Variants in CUBN observed in about 807,000 individuals in gnomAD.
CUBN encodes 460 kDa receptor.
CUBN carries 282 observed loss-of-function variants against 405.3 expected under a neutral mutation model. The observed-to-expected ratio is 0.70, with a 90% CI of 0.63 to 0.77. CUBN has a LOEUF of 0.77. Among genes scored for constraint, CUBN ranks in the 30% least tolerant of loss-of-function variants. CUBN has a pLI of 0.00. For missense variants in CUBN, 4,514 were observed against 4,475.2 expected, an observed-to-expected ratio of 1.01 and a Z score of -0.25; for synonymous variants, 1,684 against 1,617.0, an observed-to-expected ratio of 1.04 and a Z score of -0.99.
At chr10:16,909,444 T>C (rs1362290504) in intron 48 of CUBN, among the ~76,000 whole-genome samples, 1 of 152,188 alleles carries the variant, frequency 6.6e-6, no homozygotes, top group Non-Finnish European at 1.5e-5. Flanking sequence ...ATAATAGAAC[T>C]GGGATTCAAA....
intron 28 of CUBN, among the ~76,000 whole-genome samples, chr10:17,003,441 T>C (rs955389381): frequency 6.6e-6 from 1 of 152,194 alleles, no homozygotes; most frequent in South Asian, 2.1e-4. Flanking sequence ...GCCAACATCA[T>C]ACTTCCAGAT....
chr10:17,046,140 T>G, intron 23 of CUBN, 46 bp from the exon 24 acceptor site: 3 of 1,527,504 alleles, frequency 2.0e-6, no homozygotes, highest in Non-Finnish European at 2.7e-6. Context: ...CTGACAATAT[T>G]ACTGTATAAA....
chr10:17,087,592 C>T (rs1301193872), intron 15 of CUBN, among the ~76,000 whole-genome samples: 7 of 149,308 alleles, frequency 4.7e-5, no homozygotes, highest in African/African-American at 1.7e-4. Context: ...TCTCCTGCCT[C>T]AGACTGACGA....
intron 48 of CUBN, among the ~76,000 whole-genome samples, chr10:16,910,978 CAGG>C (rs1365080892): frequency 6.6e-6 from 1 of 151,966 alleles, no homozygotes; most frequent in East Asian, 1.9e-4. Flanking sequence ...CTCTCTAGCC[CAGG>C]AGAAGAATGA....
intron 65 of CUBN, among the ~76,000 whole-genome samples, chr10:16,830,059 C>CCGAGTAG (rs1048766224): frequency 6.6e-6 from 1 of 152,142 alleles, no homozygotes; most frequent in African/African-American, 2.4e-5. Context: ...TCTCAGCCTC[C>CCGAGTAG]CGAGTAGCTG....
chr10:16,931,886 A>G (rs1842372691), intron 40 of CUBN, among the ~76,000 whole-genome samples: 1 of 152,210 alleles, frequency 6.6e-6, no homozygotes, highest in South Asian at 2.1e-4. Context: ...GCAGTTACCT[A>G]CTTAAGATTT....
chr10:16,904,722 C>T (rs2131431872), intron 50 of CUBN, among the ~76,000 whole-genome samples: 1 of 150,562 alleles, frequency 6.6e-6, no homozygotes, highest in East Asian at 1.9e-4. Flanking sequence ...TCTTCTAAAT[C>T]AATGATATAT....
intron 22 of CUBN, among the ~76,000 whole-genome samples, chr10:17,056,344 C>T (rs1204863725): frequency 6.6e-6 from 1 of 152,152 alleles, no homozygotes; most frequent in Non-Finnish European, 1.5e-5. Flanking sequence ...GGTGCGGTGG[C>T]TCACGCCTGT....
intron 36 of CUBN, among the ~76,000 whole-genome samples, chr10:16,946,198 T>A (rs1020523164): frequency 2.6e-5 from 4 of 152,186 alleles, no homozygotes; most frequent in Admixed American, 6.5e-5. Context: ...CAGGATCTTA[T>A]CTCTCAATAT....
At chr10:16,952,186 G>T in intron 33 of CUBN, 90 bp downstream of exon 33, 1 of 877,244 alleles carries the variant, frequency 1.1e-6, no homozygotes, top group Non-Finnish European at 1.9e-6. Flanking sequence ...TCGATTGTTA[G>T]CACTGAGATA....
At chr10:16,903,939 T>A (rs1588635692) in intron 51 of CUBN, 27 bp downstream of exon 51, 1 of 1,493,470 alleles carries the variant, frequency 6.7e-7, no homozygotes, top group East Asian at 2.4e-5. Context: ...TAAGTAATTT[T>A]ATCAAGATCT....
chr10:16,892,430 T>G (rs1841059641), intron 54 of CUBN, among the ~76,000 whole-genome samples: 1 of 152,140 alleles, frequency 6.6e-6, no homozygotes, highest in Non-Finnish European at 1.5e-5. Context: ...TATGGCAGTT[T>G]TTTATCCACA....
intron 31 of CUBN, among the ~76,000 whole-genome samples, chr10:16,957,022 G>A (rs1843085120): frequency 6.6e-6 from 1 of 152,066 alleles, no homozygotes; most frequent in Admixed American, 6.5e-5. Context: ...TATTTGTGGT[G>A]AGACCATTAA....
chr10:16,951,082 C>A (rs1209267274), intron 33 of CUBN, among the ~76,000 whole-genome samples: 1 of 152,200 alleles, frequency 6.6e-6, no homozygotes, highest in Non-Finnish European at 1.5e-5. Context: ...AGAATAGGAT[C>A]TTTTCCTATT....
At chr10:17,087,325 G>C (rs1836132231) in intron 15 of CUBN, among the ~76,000 whole-genome samples, 1 of 152,042 alleles carries the variant, frequency 6.6e-6, no homozygotes, top group Non-Finnish European at 1.5e-5. Context: ...TTGAATATAA[G>C]AGCCTTTTCT....
chr10:16,868,809 G>A (rs536735605), intron 59 of CUBN, among the ~76,000 whole-genome samples: 1 of 152,142 alleles, frequency 6.6e-6, no homozygotes, highest in Admixed American at 6.6e-5. Context: ...TCCTTCTCAA[G>A]CATCAGCTTC....
intron 17 of CUBN, among the ~76,000 whole-genome samples, chr10:17,076,845 A>G (rs1835865487): frequency 6.6e-6 from 1 of 152,220 alleles, no homozygotes. Flanking sequence ...CAGAACTGCA[A>G]TGGATCCAAA....
At chr10:17,000,240 G>A (rs1833841024) in intron 28 of CUBN, among the ~76,000 whole-genome samples, 4 of 152,164 alleles carry the variant, frequency 2.6e-5, no homozygotes, top group Admixed American at 1.3e-4. Context: ...AAGCGAGTTT[G>A]TATAACTAAA....
chr10:17,115,977 G>C (rs1382009317), intron 6 of CUBN, among the ~76,000 whole-genome samples: 1 of 152,202 alleles, frequency 6.6e-6, no homozygotes, highest in Non-Finnish European at 1.5e-5. Context: ...AATTGGACCT[G>C]CCATGAAGCA....
Sources: allele counts gnomAD v4.1 joint callset (sites outside exome capture counted in the v4.1 genomes callset), GRCh38; gene constraint gnomAD v4.1.1; transcripts MANE v1.5; gene names NCBI Gene and HGNC (gene_info 2026-07-23, HGNC 2026-07-21).